The following SLC10A7 variants were observed in gnomAD, a reference collection of about 807,000 sequenced individuals.
The protein encoded by SLC10A7 is sodium/bile acid cotransporter 7.
Under a neutral mutation model 43.2 loss-of-function variants are expected in SLC10A7, and 29 were observed. The observed-to-expected ratio is 0.67, with a 90% CI of 0.50 to 0.92. The LOEUF is 0.92. Among genes scored for constraint, SLC10A7 ranks in the 40% least tolerant of loss-of-function variants. SLC10A7 has a pLI of 0.00. For missense variants in SLC10A7, 295 were observed against 403.2 expected, an observed-to-expected ratio of 0.73 and a Z score of 2.30; for synonymous variants, 152 against 144.8, an observed-to-expected ratio of 1.05 and a Z score of -0.35.
intron 4 of SLC10A7, among the ~76,000 whole-genome samples, chr4:146,469,920 CA>C (rs1733408413): frequency 6.6e-6 from 1 of 152,184 alleles, no homozygotes; most frequent in Non-Finnish European, 1.5e-5. Flanking sequence ...AGACATGAGT[CA>C]CCACACCCAG....
In SLC10A7 at chr4:146,478,757, G is replaced by T. The variant is rs141077885; in HGVS notation, c.396+25092C>A. Among the ~76,000 whole-genome samples, 644 of 152,280 alleles carry T rather than the reference G, an allele frequency of 4.2e-3. 9 individuals carry two copies. Among genetic ancestry groups the T allele is most frequent in the East Asian group, 0.019 (101 of 5,182 alleles). ...TCATAGCTACTAATCTACTAAAAAGGTTTTATTAAAGTGGGCTTCTGTAAA... is the reference window on the plus strand; with the variant it reads ...TCATAGCTACTAATCTACTAAAAAGTTTTTATTAAAGTGGGCTTCTGTAAA... On this transcript the variant is annotated intron_variant, in intron 4 of 11. Coordinates refer to ENST00000335472, the MANE Select transcript of SLC10A7 (RefSeq NM_001029998.6).
intron 5 of SLC10A7, among the ~76,000 whole-genome samples, chr4:146,355,965 A>T (rs927698665): frequency 9.9e-5 from 15 of 150,850 alleles, no homozygotes; most frequent in African/African-American, 3.4e-4. Context: ...GGTGCAGCGC[A>T]CCAGCATGGC....
At chr4:146,470,930 T>C (rs1301240155) in intron 4 of SLC10A7, among the ~76,000 whole-genome samples, 2 of 152,220 alleles carry the variant, frequency 1.3e-5, no homozygotes, top group African/African-American at 4.8e-5. Context: ...CATATATCAC[T>C]TCATGCAATA....
intron 4 of SLC10A7, among the ~76,000 whole-genome samples, chr4:146,487,688 T>C (rs1735042793): frequency 6.6e-6 from 1 of 152,202 alleles, no homozygotes; most frequent in Admixed American, 6.5e-5. Context: ...TTCTCCCAAC[T>C]ACAAAACCAG....
intron 4 of SLC10A7, among the ~76,000 whole-genome samples, chr4:146,469,069 G>C (rs900812934): frequency 6.6e-6 from 1 of 152,064 alleles, no homozygotes; most frequent in African/African-American, 2.4e-5. Context: ...GCTGAATGGG[G>C]AGCACAACCA....
rs560752883 is a variant in SLC10A7, at chr4:146,441,796, T to C, written c.435+987A>G. The C allele has an allele frequency of 4.4e-5, 43 of 985,290 alleles. No homozygotes were observed. In the East Asian group the frequency reaches 4.4e-3, roughly 101 times the overall value. The allele number at this position is 985,290 out of a possible 1,614,324, so 61.0% of individuals were successfully genotyped here. Reference sequence around the variant, plus strand: ...AGATGCTACATCATTATAAACTCTGTAAGGCTATGTGACACTAAAAGCTGT... The same window carrying C: ...AGATGCTACATCATTATAAACTCTGCAAGGCTATGTGACACTAAAAGCTGT... On this transcript the variant is annotated intron_variant, in intron 5 of 11. Transcript: ENST00000335472.
chr4:146,337,323 C>A (rs958635453), intron 5 of SLC10A7, among the ~76,000 whole-genome samples: 3 of 152,026 alleles, frequency 2.0e-5, no homozygotes, highest in African/African-American at 7.2e-5. Flanking sequence ...GGCCTGCATG[C>A]CTCCACCATG....
intron 5 of SLC10A7, among the ~76,000 whole-genome samples, chr4:146,369,292 A>T (rs1411084561): frequency 6.6e-6 from 1 of 152,186 alleles, no homozygotes; most frequent in Non-Finnish European, 1.5e-5. Flanking sequence ...CAGCTTCTCC[A>T]CAAGTTAGTG....
chr4:146,400,262 A>G (rs1739134782), intron 5 of SLC10A7, among the ~76,000 whole-genome samples: 2 of 152,176 alleles, frequency 1.3e-5, no homozygotes, highest in South Asian at 4.1e-4. Flanking sequence ...TGACCTTGAC[A>G]AGGGTAGAGC....
chr4:146,414,916 C>T (rs559886019), intron 5 of SLC10A7, among the ~76,000 whole-genome samples: 1 of 152,252 alleles, frequency 6.6e-6, no homozygotes, highest in Admixed American at 6.5e-5. Flanking sequence ...AATATTCTCA[C>T]TCCTAATGAA....
intron 4 of SLC10A7, among the ~76,000 whole-genome samples, chr4:146,495,693 AT>A (rs1735821817): frequency 6.6e-6 from 1 of 150,672 alleles, no homozygotes; most frequent in African/African-American, 2.4e-5. Flanking sequence ...ACATGTGATA[AT>A]TTTCTTTGCT....
At chr4:146,297,509 T>C (rs1473579685) in intron 7 of SLC10A7, among the ~76,000 whole-genome samples, 1 of 152,188 alleles carries the variant, frequency 6.6e-6, no homozygotes, top group Non-Finnish European at 1.5e-5. Flanking sequence ...AAGTATTTCC[T>C]TGCTTTTTAT....
chr4:146,356,607 C>A (rs1735663156), intron 5 of SLC10A7, among the ~76,000 whole-genome samples: 1 of 151,886 alleles, frequency 6.6e-6, no homozygotes, highest in South Asian at 2.1e-4. Flanking sequence ...CATCTTCTCT[C>A]CTCTACTTCT....
At position 146,258,777 on chromosome 4, in the gene SLC10A7, G is replaced by C; in HGVS notation, c.908C>G (p.Pro303Arg). Residue 303 changes from proline to arginine, a missense_variant, in exon 11 of 12, where the codon CCC becomes CGC. By Grantham distance (103) the Pro-to-Arg change is moderately radical. Around this residue, in one of 2 missense-constraint regions of SLC10A7, gnomAD observed 242 missense variants for 362.5 expected, o/e 0.67. Transcript: ENST00000335472. ...GHEHLSLISV[P>R]LLIYHPAQIL... ...CTGAGCTGGGTGGTAGATGAGCAAG[G>C]GTACAGATATTAAAGAGAGATGCTC... 6.2e-7 allele frequency: 1 copy of C among 1,609,850 alleles called. No homozygotes were observed. The highest frequency in any genetic ancestry group is 8.5e-7 in the Non-Finnish European group (1 of 1,179,032).
intron 2 of SLC10A7, among the ~76,000 whole-genome samples, chr4:146,516,624 C>T (rs148899363): frequency 6.6e-6 from 1 of 151,708 alleles, no homozygotes; most frequent in Non-Finnish European, 1.5e-5. Flanking sequence ...AAAGTTATGA[C>T]AAATTAAGCA....
At chr4:146,425,026 T>G (rs1579153384) in intron 5 of SLC10A7, among the ~76,000 whole-genome samples, 1 of 152,148 alleles carries the variant, frequency 6.6e-6, no homozygotes, top group Non-Finnish European at 1.5e-5. Flanking sequence ...GTCCTCTCAG[T>G]AAACTAAAGG....
At chr4:146,442,754 A>C in intron 5 of SLC10A7, 29 bp downstream of exon 5, 1 of 1,601,626 alleles carries the variant, frequency 6.2e-7, no homozygotes, top group Non-Finnish European at 8.5e-7. Flanking sequence ...CAAAAGTTGT[A>C]ATAGACAAGT....
chr4:146,256,717 C>T (rs996462622), intron 11 of SLC10A7, 197 bp from the exon 12 acceptor site: 1 of 910,432 alleles, frequency 1.1e-6, no homozygotes, highest in Non-Finnish European at 1.5e-6. Context: ...TTTGTCATTT[C>T]CCCTCCCACA....
chr4:146,489,524 TG>T (rs1312840514), intron 4 of SLC10A7, among the ~76,000 whole-genome samples: 2 of 152,236 alleles, frequency 1.3e-5, no homozygotes, highest in Non-Finnish European at 2.9e-5. Flanking sequence ...ACGTACTGGC[TG>T]ATCTTACGAT....
Sources: gnomAD v4.1 joint callset for allele counts (sites outside exome capture counted in the v4.1 genomes callset) on GRCh38, gnomAD v4.1.1 for gene constraint, gnomAD v4.1.1 regional missense constraint, MANE v1.5 for transcripts, NCBI Gene and HGNC (gene_info 2026-07-23, HGNC 2026-07-21) for gene names.